BCAT1: variants seen among roughly 807,000 people sequenced by gnomAD.
BCAT1 encodes the protein branched-chain-amino-acid aminotransferase, cytosolic.
In BCAT1, 48 loss-of-function variants were observed where a neutral mutation model predicts 52.4. The ratio of observed to expected loss-of-function variants is 0.92; its 90% CI spans 0.73 to 1.16. BCAT1 has a LOEUF of 1.16. Ranked by LOEUF, BCAT1 falls within the 50% of genes most tolerant of loss-of-function variation. The probability of loss-of-function intolerance (pLI) is 0.00; values close to 1 mark genes in which losing one functional copy is unlikely to be tolerated. For synonymous variants in BCAT1, 167 were observed against 161.3 expected (o/e 1.04, Z -0.27); for missense variants, 451 against 457.1 (o/e 0.99, Z 0.12).
At chr12:24,922,296 C>T (rs1854628640) in intron 1 of BCAT1, among the ~76,000 whole-genome samples, 1 of 152,206 alleles carries the variant, frequency 6.6e-6, no homozygotes, top group African/African-American at 2.4e-5. Context: ...CCCCAAGTAG[C>T]TGGGACTACA....
intron 1 of BCAT1, among the ~76,000 whole-genome samples, chr12:24,932,887 C>A (rs1272407339): frequency 6.6e-6 from 1 of 152,162 alleles, no homozygotes; most frequent in Non-Finnish European, 1.5e-5. Context: ...CCTCGGCTCA[C>A]TGCAACTTCT....
At chr12:24,831,613 C>T (rs1191231302) in intron 9 of BCAT1, among the ~76,000 whole-genome samples, 1 of 152,174 alleles carries the variant, frequency 6.6e-6, no homozygotes, top group Non-Finnish European at 1.5e-5. Flanking sequence ...TGTGCCCCTG[C>T]ACTCCAGTAC....
chr12:24,926,666 C>T (rs1328136555), intron 1 of BCAT1, among the ~76,000 whole-genome samples: 1 of 152,132 alleles, frequency 6.6e-6, no homozygotes, highest in Non-Finnish European at 1.5e-5. Flanking sequence ...ACCCCCAACC[C>T]GGTGCTCTCT....
intron 1 of BCAT1, chr12:24,902,532 G>A (rs1943136549): frequency 1.9e-6 from 1 of 520,478 alleles, no homozygotes; most frequent in Non-Finnish European, 2.7e-6. Context: ...GGAAGGAAGA[G>A]ATCCAAGGAG....
intron 7 of BCAT1, among the ~76,000 whole-genome samples, chr12:24,841,692 C>T (rs1941178300): frequency 1.3e-5 from 2 of 152,090 alleles, no homozygotes; most frequent in Non-Finnish European, 2.9e-5. Context: ...CACCTGAGGT[C>T]AGGAGTTCAA....
At chr12:24,938,174 T>C (rs986829417) in intron 1 of BCAT1, among the ~76,000 whole-genome samples, 3 of 152,054 alleles carry the variant, frequency 2.0e-5, no homozygotes, top group Non-Finnish European at 4.4e-5. Context: ...AGACTCCTGG[T>C]CTGAGTAGCA....
chr12:24,938,405 C>T (rs1307334794), intron 1 of BCAT1, among the ~76,000 whole-genome samples: 1 of 151,928 alleles, frequency 6.6e-6, no homozygotes, highest in East Asian at 1.9e-4. Flanking sequence ...TTATTGGGGG[C>T]AGATTTGAGT....
At chr12:24,838,539 C>T (rs1040642009) in intron 7 of BCAT1, among the ~76,000 whole-genome samples, 41 of 151,848 alleles carry the variant, frequency 2.7e-4, no homozygotes, top group African/African-American at 9.4e-4. Flanking sequence ...ACTTCCAGTG[C>T]CCCCAAACCG....
intron 1 of BCAT1, among the ~76,000 whole-genome samples, chr12:24,907,141 C>T (rs1213464487): frequency 1.3e-5 from 2 of 152,174 alleles, no homozygotes; most frequent in African/African-American, 4.8e-5. Flanking sequence ...TATTTCAGTC[C>T]TTTCGGACAT....
intron 3 of BCAT1, among the ~76,000 whole-genome samples, chr12:24,893,334 G>A (rs4143211): frequency 0.16 from 24,146 of 152,094 alleles, 2,024 homozygotes; most frequent in East Asian, 0.24. Context: ...TGAGATCACT[G>A]TAAGATAGAT....
rs1045434567 is a variant in BCAT1 at position 24,811,269 on chromosome 12, C to T, written c.*6739G>A. 6 of 152,116 alleles carry T rather than the reference C, an allele frequency of 3.9e-5. No individual in the cohort carries two copies. The East Asian group carries it at 1.2e-3, about 29-fold the overall frequency. 9.4% of individuals were successfully genotyped at this position (152,116 alleles called of 1,614,324 possible). ...TAAAAATACTATCCTACATTTACTT[C>T]CCTTGACCAGAAACCTTGAGACATC... On this transcript the variant is annotated 3_prime_UTR_variant, in exon 11 of 11. Transcript: ENST00000261192.
intron 1 of BCAT1, among the ~76,000 whole-genome samples, chr12:24,944,992 A>T (rs1591898073): frequency 6.6e-6 from 1 of 152,360 alleles, no homozygotes; most frequent in Non-Finnish European, 1.5e-5. Context: ...CCCACCAAAA[A>T]GGTATAACAG....
upstream of BCAT1, chr12:24,949,135 T>C: frequency 3.4e-6 from 2 of 590,296 alleles, no homozygotes; most frequent in Non-Finnish European, 6.0e-6. Flanking sequence ...ACTCGCGACC[T>C]AGCGGATTGC....
intron 8 of BCAT1, among the ~76,000 whole-genome samples, chr12:24,833,477 T>G (rs985532375): frequency 1.3e-5 from 2 of 152,024 alleles, no homozygotes; most frequent in Non-Finnish European, 2.9e-5. Context: ...CAAGATCACG[T>G]CACTGCAGTC....
intron 2 of BCAT1, among the ~76,000 whole-genome samples, chr12:24,896,766 CA>C (rs112644123): frequency 6.7e-6 from 1 of 149,424 alleles, no homozygotes; most frequent in Admixed American, 6.6e-5. Flanking sequence ...AACTCCATCT[CA>C]AAAAAAAAGA....
chr12:24,903,057 G>A, intron 1 of BCAT1: 1 of 1,393,898 alleles, frequency 7.2e-7, no homozygotes, highest in East Asian at 3.0e-5. Flanking sequence ...GGAAGCGAAA[G>A]CAGGCGGTGT....
intron 1 of BCAT1, among the ~76,000 whole-genome samples, chr12:24,919,525 T>C (rs1943471061): frequency 6.6e-6 from 1 of 152,194 alleles, no homozygotes; most frequent in African/African-American, 2.4e-5. Flanking sequence ...CCTCCTCCCC[T>C]GTAGGAGTCA....
intron 10 of BCAT1, 27 bp downstream of exon 10, chr12:24,829,796 G>GAA (rs1280567883): frequency 6.4e-7 from 1 of 1,555,418 alleles, no homozygotes; most frequent in Non-Finnish European, 8.7e-7. Context: ...GAAAAGGAAA[G>GAA]AAAAGAAAAG....
At chr12:24,900,736 G>C (rs11047698) in intron 2 of BCAT1, among the ~76,000 whole-genome samples, 38,926 of 152,232 alleles carry the variant, frequency 0.26, 5,345 homozygotes, top group Middle Eastern at 0.44. Flanking sequence ...TTCGAGACCA[G>C]CCTGGCTAAC....
Sources: allele counts gnomAD v4.1 joint callset (sites outside exome capture counted in the v4.1 genomes callset), GRCh38; gene constraint gnomAD v4.1.1; transcripts MANE v1.5; gene names NCBI Gene and HGNC (gene_info 2026-07-23, HGNC 2026-07-21).